EXOC4: variants seen among roughly 807,000 people sequenced by gnomAD.
The protein encoded by EXOC4 is exocyst complex component 4.
Under a neutral mutation model 107.2 loss-of-function variants are expected in EXOC4, and 71 were observed. The observed-to-expected ratio is 0.66, with a 90% CI of 0.55 to 0.81. EXOC4 has a LOEUF of 0.81. EXOC4 is among the 30% of genes least tolerant of loss of function. The pLI is 0.00. For synonymous variants in EXOC4, 456 were observed against 441.2 expected, an observed-to-expected ratio of 1.03 and a Z score of -0.42; for missense variants, 1,108 against 1,189.6, an observed-to-expected ratio of 0.93 and a Z score of 1.01.
At chr7:133,648,067 T>C (rs1240759789) in intron 10 of EXOC4, among the ~76,000 whole-genome samples, 1 of 152,216 alleles carries the variant, frequency 6.6e-6, no homozygotes, top group African/African-American at 2.4e-5. Context: ...AATGGGCTAA[T>C]ATAGGTCTAA....
At chr7:133,786,935 C>G (rs1434436512) in intron 10 of EXOC4, among the ~76,000 whole-genome samples, 2 of 152,264 alleles carry the variant, frequency 1.3e-5, no homozygotes, top group African/African-American at 2.4e-5. Context: ...GAAGTTGAAC[C>G]AGTTTCTGAA....
chr7:134,058,745 T>C (rs1205026759), intron 17 of EXOC4, among the ~76,000 whole-genome samples: 2 of 152,202 alleles, frequency 1.3e-5, no homozygotes, highest in Non-Finnish European at 1.5e-5. Flanking sequence ...GATAAAAATA[T>C]TCTTTTCAGT....
intron 9 of EXOC4, among the ~76,000 whole-genome samples, chr7:133,515,099 T>A (rs1465787856): frequency 6.6e-6 from 1 of 152,194 alleles, no homozygotes; most frequent in Non-Finnish European, 1.5e-5. Context: ...TTATTTTGCT[T>A]ACTAGCTGCT....
chr7:133,933,829 C>T (rs1800235434), intron 13 of EXOC4, among the ~76,000 whole-genome samples: 1 of 152,202 alleles, frequency 6.6e-6, no homozygotes, highest in Non-Finnish European at 1.5e-5. Context: ...CTGGCGTGCC[C>T]ATTTGAAAGT....
At chr7:134,024,986 T>C (rs2116444484) in intron 17 of EXOC4, among the ~76,000 whole-genome samples, 1 of 152,320 alleles carries the variant, frequency 6.6e-6, no homozygotes, top group African/African-American at 2.4e-5. Flanking sequence ...AGAGTGATTC[T>C]GGAGAGATTT....
intron 11 of EXOC4, among the ~76,000 whole-genome samples, chr7:133,820,384 C>T (rs1001812461): frequency 2.6e-5 from 4 of 151,932 alleles, no homozygotes; most frequent in Non-Finnish European, 5.9e-5. Flanking sequence ...AATAATTCCC[C>T]ATACTCAAGC....
intron 10 of EXOC4, among the ~76,000 whole-genome samples, chr7:133,694,002 A>AT (rs1182311946): frequency 1.3e-5 from 2 of 152,184 alleles, no homozygotes; most frequent in African/African-American, 2.4e-5. Flanking sequence ...GTGGTGGCTC[A>AT]TGCCTGTAAT....
intron 11 of EXOC4, among the ~76,000 whole-genome samples, chr7:133,863,812 T>C (rs1798582899): frequency 6.6e-6 from 1 of 152,232 alleles, no homozygotes; most frequent in African/African-American, 2.4e-5. Context: ...AGCTCTGCAC[T>C]GGTGACTGAC....
At chr7:133,870,934 C>A (rs957382367) in intron 11 of EXOC4, among the ~76,000 whole-genome samples, 4 of 152,184 alleles carry the variant, frequency 2.6e-5, no homozygotes, top group Non-Finnish European at 4.4e-5. Context: ...CACTCTCCAT[C>A]CACTTACTTG....
chr7:133,313,803 G>A lies in EXOC4; in HGVS notation c.657-3481G>A, dbSNP rs768736898. ...GTGGCAGTGGTTGTTGCTTGTTTTG[G>A]GTTTAATTTGTTGTATACTTTTCCT... On this transcript the variant is annotated intron_variant, in intron 4 of 17. Coordinates refer to ENST00000253861, the MANE Select transcript of EXOC4 (RefSeq NM_021807.4). 2.6e-5 allele frequency among the ~76,000 whole-genome samples: 4 copies of A among 152,018 alleles called. 1 individual carries two copies. The highest frequency in any genetic ancestry group is 1.3e-4 in the Admixed American group (2 of 15,258).
Position 133,475,486 on chromosome 7 carries a change from C to A in EXOC4, c.1328+13C>A. On this transcript the variant is annotated intron_variant, in intron 8 of 17. Coordinates refer to ENST00000253861, the MANE Select transcript of EXOC4 (RefSeq NM_021807.4). ...ATTCTCTTTTCAAGTAAGTATTATT[C>A]TGCTGTTAATAGGTTTTAAGAATTG... 6.2e-7 allele frequency: 1 copy of A among 1,612,006 alleles called. No homozygotes were observed. The highest frequency in any genetic ancestry group is 8.5e-7 in the Non-Finnish European group (1 of 1,178,526).
intron 1 of EXOC4, among the ~76,000 whole-genome samples, chr7:133,261,714 C>G (rs553988989): frequency 1.8e-4 from 27 of 152,240 alleles, no homozygotes; most frequent in Non-Finnish European, 3.7e-4. Flanking sequence ...AGGAGCAGAG[C>G]AACATTTAGT....
intron 10 of EXOC4, among the ~76,000 whole-genome samples, chr7:133,742,687 G>A (rs1321019302): frequency 6.6e-6 from 1 of 152,098 alleles, no homozygotes; most frequent in Admixed American, 6.6e-5. Context: ...GATAGCTCAT[G>A]CAATATTGCT....
intron 9 of EXOC4, among the ~76,000 whole-genome samples, chr7:133,498,564 G>A (rs529339200): frequency 5.4e-4 from 82 of 152,158 alleles, no homozygotes; most frequent in South Asian, 1.0e-3. Context: ...CAGCCTAGGC[G>A]ACAGAGCGAG....
At chr7:133,487,379 A>G (rs1050295092) in intron 9 of EXOC4, among the ~76,000 whole-genome samples, 6 of 152,226 alleles carry the variant, frequency 3.9e-5, no homozygotes, top group Admixed American at 3.9e-4. Context: ...GAACAAATGC[A>G]TTTCTCTACA....
At chr7:134,036,738 C>A (rs1795399531) in intron 17 of EXOC4, among the ~76,000 whole-genome samples, 1 of 152,202 alleles carries the variant, frequency 6.6e-6, no homozygotes, top group African/African-American at 2.4e-5. Flanking sequence ...TCTGTAGAGA[C>A]AGAAGGTTTC....
intron 17 of EXOC4, among the ~76,000 whole-genome samples, chr7:134,056,216 G>C (rs1256591653): frequency 6.6e-6 from 1 of 152,136 alleles, no homozygotes; most frequent in Admixed American, 6.6e-5. Flanking sequence ...TCTCTAAAGT[G>C]ATATTTGATG....
chr7:133,597,381 C>A (rs1482247533), intron 9 of EXOC4, among the ~76,000 whole-genome samples: 1 of 151,846 alleles, frequency 6.6e-6, no homozygotes, highest in Non-Finnish European at 1.5e-5. Flanking sequence ...ATGGAGAAAC[C>A]CCGTCTCTAC....
At chr7:134,081,106 G>GGATCA in the EXOC4 span, among the ~76,000 whole-genome samples, 2 of 152,132 alleles carry the variant, frequency 1.3e-5, no homozygotes, top group Non-Finnish European at 2.9e-5. Flanking sequence ...ACTTTGGGAG[G>GGATCA]CTGAGGCAGG....
Sources: allele counts gnomAD v4.1 joint callset (sites outside exome capture counted in the v4.1 genomes callset), GRCh38; gene constraint gnomAD v4.1.1; transcripts MANE v1.5; gene names NCBI Gene and HGNC (gene_info 2026-07-23, HGNC 2026-07-21).